Variants in APBA3 observed in about 807,000 individuals in gnomAD.
The protein encoded by APBA3 is amyloid-beta A4 precursor protein-binding family A member 3.
Under a neutral mutation model 55.9 loss-of-function variants are expected in APBA3, and 45 were observed. That is an observed-to-expected ratio of 0.80 (90% CI 0.63 to 1.03). APBA3 has a LOEUF of 1.03. APBA3 is among the 50% of genes least tolerant of loss of function. The pLI is 0.00. For synonymous variants in APBA3, 370 were observed against 353.3 expected (o/e 1.05, Z -0.53); for missense variants, 865 against 820.3 (o/e 1.05, Z -0.67).
Position 3,754,203 on chromosome 19 carries a change from G to T in APBA3, c.754C>A (p.Arg252Ser), listed in dbSNP as rs764194208. ...CCCGGCCGCCCCCTCACCTTGACGCGGTCCATGGCCTCCCGGGCCTGGGCC... is the reference window on the plus strand; with the variant it reads ...CCCGGCCGCCCCCTCACCTTGACGCTGTCCATGGCCTCCCGGGCCTGGGCC... ...RMAQAREAMD[R>S]VKAPDGETQP... Residue 252 changes from arginine (R) to serine (S), a missense_variant, in exon 4 of 11, where the codon CGC becomes AGC. Physicochemically the swap from Arg to Ser is moderately radical, Grantham distance 110. Transcript: ENST00000316757. 1 of 1,540,294 alleles carries T rather than the reference G, an allele frequency of 6.5e-7. No individual in the cohort carries two copies. The highest frequency in any genetic ancestry group is 2.5e-5 in the East Asian group (1 of 40,764).
chr19:3,758,499 T>C (rs1278814175), intron 3 of APBA3, among the ~76,000 whole-genome samples: 1 of 152,096 alleles, frequency 6.6e-6, no homozygotes, highest in Non-Finnish European at 1.5e-5. Context: ...GCTCAAGCGA[T>C]CCTCCTGCCT....
chr19:3,757,724 G>A (rs1460482979), intron 3 of APBA3, among the ~76,000 whole-genome samples: 16 of 152,106 alleles, frequency 1.1e-4, no homozygotes, highest in Admixed American at 1.0e-3. Context: ...ATTCCAGAGG[G>A]CCAGAAATTG....
Position 3,752,731 on chromosome 19 carries a change from CA to C in APBA3, c.1183-12del. The C allele has an allele frequency of 6.2e-7, 1 of 1,604,234 alleles. No individual in the cohort carries two copies. The highest frequency in any genetic ancestry group is 8.5e-7 in the Non-Finnish European group (1 of 1,177,660). ...CTTCTCGAGGTGCACCTGGGACACA[CA>C]GGGGGCGCGGAGGCTGCTCAGCAGG... On this transcript the variant is annotated splice_polypyrimidine_tract_variant and intron_variant, in intron 7 of 10. Coordinates refer to ENST00000316757, the MANE Select transcript of APBA3 (RefSeq NM_004886.4).
rs1449251444 is a variant in APBA3, at chr19:3,751,404, C to T, written c.1515+30G>A. 19 of 1,515,602 alleles carry T rather than the reference C, an allele frequency of 1.3e-5. 1 individual carries two copies. The highest frequency in any genetic ancestry group is 2.4e-5 in the South Asian group (2 of 82,310). The allele number at this position is 1,515,602 out of a possible 1,614,324, so 93.9% of individuals were successfully genotyped here. ...CCGTGCTCAGGGCCGCCCTACCCCCCCACCCCGGGGCCAGGGGCCGGGGCC... is the reference window on the plus strand; with the variant it reads ...CCGTGCTCAGGGCCGCCCTACCCCCTCACCCCGGGGCCAGGGGCCGGGGCC... On this transcript the variant is annotated intron_variant, in intron 9 of 10. Coordinates refer to ENST00000316757, the MANE Select transcript of APBA3 (RefSeq NM_004886.4).
intron 8 of APBA3, chr19:3,751,919 CA>C: frequency 3.7e-6 from 1 of 268,358 alleles, no homozygotes; most frequent in Non-Finnish European, 7.1e-6. Context: ...GGTTGAGACT[CA>C]AAAACATGGC....
rs531106233 is a variant in APBA3 at position 3,751,301 on chromosome 19, G to A, written c.1544C>T (p.Ala515Val). ...GCCGACGCGGATGCCCCCACGCTCG[G>A]CGATGCCACCACGGAGGAGGCTGCA... ...IICSLLRGGIAERGGIRVGHR... is the reference protein window; with the variant it reads ...IICSLLRGGIVERGGIRVGHR... The change falls in exon 10 of 11, where the codon GCC becomes GTC. Residue 515 changes from alanine to valine, a missense_variant. Physicochemically the swap from Ala to Val is moderately conservative, Grantham distance 64. Transcript: ENST00000316757. 2.3e-5 allele frequency: 35 copies of A among 1,540,148 alleles called. No homozygotes were observed. The highest frequency in any genetic ancestry group is 5.9e-5 in the Admixed American group (3 of 51,092).
At position 3,759,611 on chromosome 19, in the gene APBA3, A is replaced by G; in HGVS notation, c.577-11T>C. Reference sequence around the variant, plus strand: ...CAGGGTCTCGGGGCTCTGGAAGAAGATAGAGGAGGGGCAGGACTGAGTCTC... The same window carrying G: ...CAGGGTCTCGGGGCTCTGGAAGAAGGTAGAGGAGGGGCAGGACTGAGTCTC... On this transcript the variant is annotated splice_polypyrimidine_tract_variant and intron_variant, in intron 2 of 10. Transcript: ENST00000316757. 5.0e-6 allele frequency: 8 copies of G among 1,601,142 alleles called. No individual in the cohort carries two copies. The highest frequency in any genetic ancestry group is 1.3e-5 in the African/African-American group (1 of 74,168).
At chr19:3,760,355 C>A in intron 1 of APBA3, 54 bp from the exon 2 acceptor site, 1 of 1,225,050 alleles carries the variant, frequency 8.2e-7, no homozygotes, top group South Asian at 1.5e-5. Context: ...TGGCTCATGC[C>A]TGTAATCCCA....
intron 3 of APBA3, among the ~76,000 whole-genome samples, chr19:3,757,767 A>C (rs1231963005): frequency 6.6e-6 from 1 of 152,160 alleles, no homozygotes; most frequent in East Asian, 1.9e-4. Flanking sequence ...GGGCTTGGCA[A>C]ACATTTTCTG....
At position 3,753,194 on chromosome 19, in the gene APBA3, A is replaced by G. The variant is rs950643561; in HGVS notation, c.1012-204T>C. 6.4e-6 allele frequency: 4 copies of G among 627,548 alleles called. No individual in the cohort carries two copies. The Admixed American group carries it at 9.0e-5, about 14-fold the overall frequency. The allele number at this position is 627,548 out of a possible 1,614,324, so 38.9% of individuals were successfully genotyped here. A position where few individuals can be genotyped will look rare whatever the true frequency, so the allele number is the denominator to read the frequency against. On this transcript the variant is annotated intron_variant, in intron 6 of 10. Transcript: ENST00000316757. Reference sequence around the variant, plus strand: ...TACGGGGAGAAGGAAGGGGAGGGGCAGCCCTGGGCTGGGGGGACGATGAGG... The same window carrying G: ...TACGGGGAGAAGGAAGGGGAGGGGCGGCCCTGGGCTGGGGGGACGATGAGG...
rs982851158 is a variant in APBA3, at chr19:3,761,672, C to G, written c.-174G>C. On this transcript the variant is annotated 5_prime_UTR_variant, in exon 1 of 11. Transcript: ENST00000316757. The stretch of plus-strand genomic sequence containing the variant: ...CGGTCCCGGCGCCCGCTCCTCTATC[C>G]GCGCAGAGCCCTGGCCCATTGAGCA... The G allele has an allele frequency of 4.6e-5, 7 of 152,330 alleles. No individual in the cohort carries two copies. Among genetic ancestry groups the G allele is most frequent in the Admixed American group, 1.3e-4 (2 of 15,280 alleles). 9.4% of individuals were successfully genotyped at this position (152,330 alleles called of 1,614,324 possible).
At position 3,751,076 on chromosome 19, in the gene APBA3, C is replaced by G. The variant is rs759882745; in HGVS notation, c.1678G>C (p.Ala560Pro). The G allele has an allele frequency of 1.5e-5, 24 of 1,567,000 alleles. No homozygotes were observed. The Admixed American group carries it at 4.2e-4, about 27-fold the overall frequency. Residue 560 changes from alanine to proline, a missense_variant, in exon 11 of 11, where the codon GCT (alanine) becomes CCT (proline). By Grantham distance (27) the Ala-to-Pro change is conservative (BLOSUM62 -1). Coordinates refer to ENST00000316757, the MANE Select transcript of APBA3 (RefSeq NM_004886.4). ...YGEVHIKTMP[A>P]ATYRLLTGQE... ...CCTGTAAGGAGGCGATATGTGGCAG[C>G]TGGCATCGTCTTGATATGCACCTGG...
At chr19:3,758,510 C>T (rs1352636888) in intron 3 of APBA3, among the ~76,000 whole-genome samples, 1 of 152,008 alleles carries the variant, frequency 6.6e-6, no homozygotes, top group Non-Finnish European at 1.5e-5. Context: ...CCTCCTGCCT[C>T]AGCCTCCCAA....
chr19:3,757,414 ACTAT>A (rs2037090691), intron 3 of APBA3, among the ~76,000 whole-genome samples: 1 of 151,996 alleles, frequency 6.6e-6, no homozygotes, highest in African/African-American at 2.4e-5. Flanking sequence ...GCCAGAACTT[ACTAT>A]CTGACCTATA....
chr19:3,760,256 G>T lies in APBA3; in HGVS notation c.9C>A (p.Phe3Leu), dbSNP rs750940309. The T allele has an allele frequency of 9.1e-5, 145 of 1,599,788 alleles. No homozygotes were observed. Among genetic ancestry groups the T allele is most frequent in the Non-Finnish European group, 1.1e-4 (132 of 1,178,600 alleles). The change falls in exon 2 of 11, where the codon TTC becomes TTA. Residue 3 changes from phenylalanine (F) to leucine (L), a missense_variant. Phe to Leu is a conservative substitution (Grantham distance 22, BLOSUM62 0). Transcript: ENST00000316757. The part of the protein sequence containing the change: MD[F>L]PTISRSPSGP... Reference sequence around the variant, plus strand: ...CCGAAGGGGATCGGGAAATTGTGGGGAAGTCCATGCCTGGACTCCAGGCTT... The same window carrying T: ...CCGAAGGGGATCGGGAAATTGTGGGTAAGTCCATGCCTGGACTCCAGGCTT...
At position 3,753,747 on chromosome 19, in the gene APBA3, C is replaced by A; in HGVS notation, c.1011+18G>T. 1.3e-6 allele frequency: 2 copies of A among 1,492,026 alleles called. No individual in the cohort carries two copies. Among genetic ancestry groups the A allele is most frequent in the South Asian group, 1.3e-5 (1 of 76,550 alleles). 92.4% of individuals were successfully genotyped at this position (1,492,026 alleles called of 1,614,324 possible). ...GAGGAGGGCCTCAGGAGGGTGGCCCCGCGCCCTGGCTGCTCACGTCCTCCG... is the reference window on the plus strand; with the variant it reads ...GAGGAGGGCCTCAGGAGGGTGGCCCAGCGCCCTGGCTGCTCACGTCCTCCG... On this transcript the variant is annotated intron_variant, in intron 6 of 10. Coordinates refer to ENST00000316757, the MANE Select transcript of APBA3 (RefSeq NM_004886.4).
At position 3,750,910 on chromosome 19, in the gene APBA3, T is replaced by G; in HGVS notation, c.*116A>C. On this transcript the variant is annotated 3_prime_UTR_variant, in exon 11 of 11. Coordinates refer to ENST00000316757, the MANE Select transcript of APBA3 (RefSeq NM_004886.4). ...TGCATAAGCTTTTACTGTTTTTATATTAGGAAATCATACAGGACCAAGAAC... is the reference window on the plus strand; with the variant it reads ...TGCATAAGCTTTTACTGTTTTTATAGTAGGAAATCATACAGGACCAAGAAC... 1.6e-6 allele frequency: 2 copies of G among 1,242,728 alleles called. No individual in the cohort carries two copies. The highest frequency in any genetic ancestry group is 2.3e-6 in the Non-Finnish European group (2 of 868,214). The allele number at this position is 1,242,728 out of a possible 1,614,324, so 77.0% of individuals were successfully genotyped here.
At chr19:3,759,235 A>C (rs1362879769) in intron 3 of APBA3, among the ~76,000 whole-genome samples, 3 of 152,180 alleles carry the variant, frequency 2.0e-5, no homozygotes, top group African/African-American at 7.2e-5. Flanking sequence ...AAAGTAAAGA[A>C]GCCCCAAACG....
intron 3 of APBA3, among the ~76,000 whole-genome samples, chr19:3,757,729 A>G (rs2037095260): frequency 6.6e-6 from 1 of 152,144 alleles, no homozygotes; most frequent in Admixed American, 6.6e-5. Flanking sequence ...AGAGGGCCAG[A>G]AATTGTTCTT....
Sources: gnomAD v4.1 joint callset for allele counts (sites outside exome capture counted in the v4.1 genomes callset) on GRCh38, gnomAD v4.1.1 for gene constraint, MANE v1.5 for transcripts, NCBI Gene and HGNC (gene_info 2026-07-23, HGNC 2026-07-21) for gene names.